KIF2A: variants seen among roughly 807,000 people sequenced by gnomAD.
KIF2A encodes kinesin-like protein KIF2A.
KIF2A carries 22 observed loss-of-function variants against 100.2 expected under a neutral mutation model. The ratio of observed to expected loss-of-function variants is 0.22; its 90% confidence interval spans 0.16 to 0.31. The LOEUF (loss-of-function observed/expected upper bound fraction) is 0.31. Among genes scored for constraint, KIF2A ranks in the 10% least tolerant of loss-of-function variants. The pLI, the probability that KIF2A is intolerant of heterozygous loss-of-function variation, is 1.00. For synonymous variants in KIF2A, 268 were observed against 285.9 expected, an observed-to-expected ratio of 0.94 and a Z score of 0.63; for missense variants, 495 against 898.7, an observed-to-expected ratio of 0.55 and a Z score of 5.74.
chr5:62,340,168 C>T (rs531186596), intron 1 of KIF2A, among the ~76,000 whole-genome samples: 2 of 152,062 alleles, frequency 1.3e-5, no homozygotes, highest in Non-Finnish European at 2.9e-5. Flanking sequence ...AACTCCTGAT[C>T]TCTGGTGATC....
At chr5:62,334,811 C>T (rs1336385730) in intron 1 of KIF2A, among the ~76,000 whole-genome samples, 1 of 152,164 alleles carries the variant, frequency 6.6e-6, no homozygotes, top group African/African-American at 2.4e-5. Context: ...GTCTCTACAG[C>T]AGCCAGAGCT....
At chr5:62,382,593 A>G (rs766838243) in intron 20 of KIF2A, among the ~76,000 whole-genome samples, 12 of 149,932 alleles carry the variant, frequency 8.0e-5, no homozygotes, top group Non-Finnish European at 1.6e-4. Context: ...TATTTGCATT[A>G]TACCAAAAGT....
chr5:62,385,310 C>T (rs147507177), intron 20 of KIF2A, among the ~76,000 whole-genome samples, 174 bp from the exon 21 acceptor site: 19 of 152,146 alleles, frequency 1.2e-4, no homozygotes, highest in African/African-American at 4.1e-4. Flanking sequence ...AAAAAACTTT[C>T]GCAATAGTTG....
intron 1 of KIF2A, among the ~76,000 whole-genome samples, chr5:62,331,497 A>G (rs971107159): frequency 1.3e-5 from 2 of 152,194 alleles, no homozygotes; most frequent in African/African-American, 4.8e-5. Context: ...CTGAGGCAGG[A>G]TAATTGTTTG....
intron 16 of KIF2A, among the ~76,000 whole-genome samples, 185 bp from the exon 17 acceptor site, chr5:62,372,253 T>C (rs1276660436): frequency 2.0e-5 from 3 of 152,188 alleles, no homozygotes; most frequent in South Asian, 2.1e-4. Context: ...AGGGGATCAA[T>C]AGAACAAAGA....
At chr5:62,379,031 T>C (rs965249299) in intron 19 of KIF2A, among the ~76,000 whole-genome samples, 2 of 152,190 alleles carry the variant, frequency 1.3e-5, no homozygotes, top group East Asian at 3.9e-4. Context: ...ATCCCAGCAC[T>C]TTGGGAGGCC....
intron 20 of KIF2A, among the ~76,000 whole-genome samples, 174 bp downstream of exon 20, chr5:62,381,427 A>G (rs541428579): frequency 6.6e-6 from 1 of 152,224 alleles, no homozygotes; most frequent in Non-Finnish European, 1.5e-5. Flanking sequence ...TCTAAAAGTC[A>G]TGGCATAGCA....
chr5:62,340,786 A>C (rs2111885186), intron 1 of KIF2A, among the ~76,000 whole-genome samples: 1 of 152,290 alleles, frequency 6.6e-6, no homozygotes, highest in African/African-American at 2.4e-5. Flanking sequence ...GTCTTTGTTA[A>C]AGAAAAAAAT....
chr5:62,375,527 C>T (rs77463898), intron 18 of KIF2A, among the ~76,000 whole-genome samples: 2 of 152,244 alleles, frequency 1.3e-5, no homozygotes, highest in East Asian at 3.9e-4. Context: ...GATCTTATTC[C>T]AGCGCCAAAC....
At chr5:62,325,273 G>A (rs1401342350) in intron 1 of KIF2A, among the ~76,000 whole-genome samples, 5 of 151,920 alleles carry the variant, frequency 3.3e-5, no homozygotes, top group East Asian at 1.9e-4. Flanking sequence ...ATAGGTGCCC[G>A]CCACTATGCC....
Position 62,381,115 on chromosome 5 carries a change from T to A in KIF2A, c.2014-3T>A. The stretch of plus-strand genomic sequence containing the variant: ...TTGGATTATCGAATTTTTGTCCTTG[T>A]AGGAATCTATTCGGTGGTTAGAAGA... On this transcript the variant is annotated splice_region_variant and splice_polypyrimidine_tract_variant and intron_variant, in intron 19 of 20. Transcript: ENST00000407818. 1 of 1,606,542 alleles carries A rather than the reference T, an allele frequency of 6.2e-7. No individual in the cohort carries two copies. The highest frequency in any genetic ancestry group is 8.5e-7 in the Non-Finnish European group (1 of 1,175,594).
chr5:62,330,358 A>G (rs1471817977), intron 1 of KIF2A, among the ~76,000 whole-genome samples: 2 of 152,298 alleles, frequency 1.3e-5, no homozygotes, highest in East Asian at 1.9e-4. Context: ...GAGAAAAAAA[A>G]GAAAGAATAA....
chr5:62,389,198 G>A lies in KIF2A; in HGVS notation c.*3629G>A, dbSNP rs747492201. On this transcript the variant is annotated 3_prime_UTR_variant, in exon 21 of 21. Coordinates refer to ENST00000407818, the MANE Select transcript of KIF2A (RefSeq NM_001098511.3). ...TCCTAATACTAGTTATTAAAGAAAC[G>A]TTACTGGCTGGGCGCAGTGGCTTAT... 2.0e-5 allele frequency: 14 copies of A among 691,398 alleles called. No individual in the cohort carries two copies. The Admixed American group carries it at 2.4e-4, about 12-fold the overall frequency. 42.8% of individuals were successfully genotyped at this position (691,398 alleles called of 1,614,324 possible).
chr5:62,378,943 T>C (rs1377604089), intron 19 of KIF2A, among the ~76,000 whole-genome samples: 3 of 152,024 alleles, frequency 2.0e-5, no homozygotes, highest in African/African-American at 4.8e-5. Flanking sequence ...CAAACTGTTA[T>C]TATGAGACTC....
chr5:62,340,410 T>A (rs1442614151), intron 1 of KIF2A, among the ~76,000 whole-genome samples: 1 of 152,190 alleles, frequency 6.6e-6, no homozygotes, highest in Non-Finnish European at 1.5e-5. Flanking sequence ...GGCAATGAGT[T>A]AGTGAAGATG....
In KIF2A at chr5:62,385,730, C is replaced by G; in HGVS notation, c.*161C>G. On this transcript the variant is annotated 3_prime_UTR_variant, in exon 21 of 21. Transcript: ENST00000407818. ...TCAATTTTGTGAAACACTCTTTTGT[C>G]TACAAAATGCTTCTAGTCCAGGAGG... 1 of 593,650 alleles carries G rather than the reference C, an allele frequency of 1.7e-6. No homozygotes were observed. The highest frequency in any genetic ancestry group is 3.1e-6 in the Non-Finnish European group (1 of 327,748). 36.8% of individuals were successfully genotyped at this position (593,650 alleles called of 1,614,324 possible).
rs1178944672 is a variant in KIF2A, at chr5:62,388,252, C to T, written c.*2683C>T. On this transcript the variant is annotated 3_prime_UTR_variant, in exon 21 of 21. Coordinates refer to ENST00000407818, the MANE Select transcript of KIF2A (RefSeq NM_001098511.3). ...TTGAAACCAGTTTCAATTACAAAAC[C>T]CTCTGAAATTTTGCTAAGCCTATAG... 1 of 152,058 alleles carries T rather than the reference C, an allele frequency of 6.6e-6. No homozygotes were observed. Among genetic ancestry groups the T allele is most frequent in the Non-Finnish European group, 1.5e-5 (1 of 67,996 alleles). The allele number at this position is 152,058 out of a possible 1,614,324, so 9.4% of individuals were successfully genotyped here.
At chr5:62,371,543 C>T (rs554002303) in intron 16 of KIF2A, among the ~76,000 whole-genome samples, 7 of 152,254 alleles carry the variant, frequency 4.6e-5, no homozygotes, top group Non-Finnish European at 7.4e-5. Context: ...AGGCTTTGTA[C>T]TCAGGGCTAG....
Position 62,306,280 on chromosome 5 carries a change from G to A in KIF2A, c.-193G>A. The A allele has an allele frequency of 1.8e-6, 1 of 545,922 alleles. No homozygotes were observed. Among genetic ancestry groups the A allele is most frequent in the South Asian group, 2.3e-5 (1 of 42,958 alleles). 33.8% of individuals were successfully genotyped at this position (545,922 alleles called of 1,614,324 possible). A position where few individuals can be genotyped will look rare whatever the true frequency, so the allele number is the denominator to read the frequency against. ...ACCCGGCGTGCGCGTCCTCCTGCCG[G>A]CCTGCAGGCCCGGGGCCTCCGCCTG... On this transcript the variant is annotated 5_prime_UTR_variant, in exon 1 of 21. Coordinates refer to ENST00000407818, the MANE Select transcript of KIF2A (RefSeq NM_001098511.3).
Sources: gnomAD v4.1 joint callset for allele counts (sites outside exome capture counted in the v4.1 genomes callset) on GRCh38, gnomAD v4.1.1 for gene constraint, MANE v1.5 for transcripts, NCBI Gene and HGNC (gene_info 2026-07-23, HGNC 2026-07-21) for gene names.